The following ADAMTS12 variants were observed in gnomAD, a reference collection of about 807,000 sequenced individuals.
ADAMTS12 encodes the protein ADAM metallopeptidase with thrombospondin type 1 motif 12, also known as A disintegrin and metalloproteinase with thrombospondin motifs 12.
In ADAMTS12, 118 loss-of-function variants were observed where a neutral mutation model predicts 167.8. The ratio of observed to expected loss-of-function variants is 0.70; its 90% CI spans 0.61 to 0.82. The LOEUF is 0.82. Ranked by LOEUF, ADAMTS12 falls within the 40% of genes least tolerant of loss-of-function variation. ADAMTS12 has a pLI of 0.00. For missense variants in ADAMTS12, 1,916 were observed against 1,998.8 expected (o/e 0.96, Z 0.79); for synonymous variants, 704 against 716.9 (o/e 0.98, Z 0.29).
intron 2 of ADAMTS12, among the ~76,000 whole-genome samples, chr5:33,752,032 C>T (rs1745009744): frequency 6.6e-6 from 1 of 152,226 alleles, no homozygotes; most frequent in African/African-American, 2.4e-5. Context: ...TGGCACTCTT[C>T]ACTCAAGAAA....
At position 33,647,221 on chromosome 5, in the gene ADAMTS12, C is replaced by A. The variant is rs527274663; in HGVS notation, c.1479+1601G>T. On this transcript the variant is annotated intron_variant, in intron 9 of 23. Transcript: ENST00000504830. ...CGAATTATGAAGCCTCTTCTTAAGC[C>A]ATTTTAGGAAATTTGTACTTTATTG... 1.5e-4 allele frequency among the ~76,000 whole-genome samples: 23 copies of A among 152,194 alleles called. No individual in the cohort carries two copies. In the East Asian group the frequency reaches 1.7e-3, roughly 11 times the overall value.
intron 21 of ADAMTS12, among the ~76,000 whole-genome samples, chr5:33,547,097 A>G (rs1159484026): frequency 6.6e-6 from 1 of 152,154 alleles, no homozygotes; most frequent in African/African-American, 2.4e-5. Flanking sequence ...TTTCCCACTT[A>G]TTCAACCTGT....
chr5:33,742,690 C>T (rs1744637142), intron 3 of ADAMTS12, among the ~76,000 whole-genome samples: 1 of 152,174 alleles, frequency 6.6e-6, no homozygotes, highest in African/African-American at 2.4e-5. Context: ...GATGTGTCTA[C>T]TGGTGGAAAT....
At chr5:33,567,760 T>C (rs1746085606) in intron 19 of ADAMTS12, among the ~76,000 whole-genome samples, 1 of 152,242 alleles carries the variant, frequency 6.6e-6, no homozygotes, top group Non-Finnish European at 1.5e-5. Context: ...TCTTGTGAAC[T>C]ATGTCATTTT....
intron 2 of ADAMTS12, among the ~76,000 whole-genome samples, chr5:33,865,155 A>G (rs113141595): frequency 1.1e-4 from 17 of 152,176 alleles, no homozygotes; most frequent in African/African-American, 3.9e-4. Context: ...AAAACCAGGA[A>G]AGGACATAAT....
At position 33,573,988 on chromosome 5, in the gene ADAMTS12, A is replaced by G. The variant is rs1460763961; in HGVS notation, c.3972+2066T>C. Among the ~76,000 whole-genome samples, 6 of 152,022 alleles carry G rather than the reference A, an allele frequency of 3.9e-5. No individual in the cohort carries two copies. The South Asian group carries it at 1.0e-3, about 26-fold the overall frequency. On this transcript the variant is annotated intron_variant, in intron 19 of 23. Transcript: ENST00000504830. Reference sequence around the variant, plus strand: ...AGACATTTATGCAGCCAAAAGACACATGAAAAAATGCTCATCATCACTGGC... The same window carrying G: ...AGACATTTATGCAGCCAAAAGACACGTGAAAAAATGCTCATCATCACTGGC...
At chr5:33,854,221 G>A (rs1429300864) in intron 2 of ADAMTS12, among the ~76,000 whole-genome samples, 1 of 152,146 alleles carries the variant, frequency 6.6e-6, no homozygotes, top group Non-Finnish European at 1.5e-5. Flanking sequence ...AATCAATGGG[G>A]ACATTTTCAA....
chr5:33,824,120 C>G (rs1747970440), intron 2 of ADAMTS12, among the ~76,000 whole-genome samples: 1 of 152,210 alleles, frequency 6.6e-6, no homozygotes, highest in South Asian at 2.1e-4. Context: ...AAACCTCTTT[C>G]TTCTCAATAA....
intron 16 of ADAMTS12, among the ~76,000 whole-genome samples, chr5:33,597,617 T>C (rs1378921319): frequency 6.6e-6 from 1 of 152,192 alleles, no homozygotes; most frequent in East Asian, 1.9e-4. Context: ...CCAGATGGCA[T>C]CTTGTCACTT....
chr5:33,886,046 A>G (rs1028095978), intron 1 of ADAMTS12, among the ~76,000 whole-genome samples: 5 of 152,228 alleles, frequency 3.3e-5, no homozygotes, highest in African/African-American at 1.2e-4. Flanking sequence ...AGAAAATAAC[A>G]ATTTTTCTCA....
chr5:33,623,489 C>T (rs1034070809), intron 14 of ADAMTS12, among the ~76,000 whole-genome samples: 1 of 152,242 alleles, frequency 6.6e-6, no homozygotes, highest in Non-Finnish European at 1.5e-5. Flanking sequence ...TCCTTGGGAA[C>T]TGACTCTTCC....
intron 3 of ADAMTS12, among the ~76,000 whole-genome samples, chr5:33,696,049 CA>C (rs1742746132): frequency 6.6e-6 from 1 of 151,926 alleles, no homozygotes; most frequent in African/African-American, 2.4e-5. Flanking sequence ...CAGTCACTAA[CA>C]TGTGCTTATT....
intron 3 of ADAMTS12, among the ~76,000 whole-genome samples, chr5:33,690,199 G>C (rs1742500756): frequency 6.6e-6 from 1 of 152,236 alleles, no homozygotes; most frequent in Non-Finnish European, 1.5e-5. Context: ...CTCCAGGCCA[G>C]CTTGGGTATA....
In ADAMTS12 at chr5:33,649,044, C is replaced by G. The variant is rs1013689036; in HGVS notation, c.1335-78G>C. 1.9e-6 allele frequency: 3 copies of G among 1,547,504 alleles called. No homozygotes were observed. In the East Asian group the frequency reaches 6.8e-5, roughly 35 times the overall value. On this transcript the variant is annotated intron_variant, in intron 8 of 23. Coordinates refer to ENST00000504830, the MANE Select transcript of ADAMTS12 (RefSeq NM_030955.4). The stretch of plus-strand genomic sequence containing the variant: ...TCAGCCTTTCATTCAACAGAAACTT[C>G]CCTCTGGTTTACTCTTTGTCCTTTA...
intron 5 of ADAMTS12, 54 bp from the exon 6 acceptor site, chr5:33,662,094 C>G: frequency 6.3e-7 from 1 of 1,589,834 alleles, no homozygotes; most frequent in Non-Finnish European, 8.5e-7. Flanking sequence ...TGGTCAGGGA[C>G]CATTGCATTA....
intron 5 of ADAMTS12, among the ~76,000 whole-genome samples, chr5:33,672,030 C>T (rs1229758086): frequency 6.6e-6 from 1 of 150,612 alleles, no homozygotes; most frequent in African/African-American, 2.4e-5. Context: ...CACATACATA[C>T]ACACACCCAC....
chr5:33,890,922 C>CA (rs1302663630), intron 1 of ADAMTS12, among the ~76,000 whole-genome samples: 3 of 152,154 alleles, frequency 2.0e-5, no homozygotes, highest in African/African-American at 7.2e-5. Flanking sequence ...TGGGCTGACA[C>CA]AGAGTGCCAC....
chr5:33,783,546 T>C (rs1352066464), intron 2 of ADAMTS12, among the ~76,000 whole-genome samples: 1 of 151,744 alleles, frequency 6.6e-6, no homozygotes, highest in Non-Finnish European at 1.5e-5. Flanking sequence ...AGAGAAAACA[T>C]CACTATCTGC....
Position 33,641,886 on chromosome 5 carries a change from A to T in ADAMTS12, c.1642T>A (p.Trp548Arg), listed in dbSNP as rs765583887. 3.1e-6 allele frequency: 5 copies of T among 1,613,814 alleles called. No individual in the cohort carries two copies. In the East Asian group the frequency reaches 1.1e-4, roughly 36 times the overall value. ...PESIPGGWGR[W>R]SPWSHCSRTC... The stretch of plus-strand genomic sequence containing the variant: ...CTGGAACAGTGGGACCAGGGTGACC[A>T]GCGGCCCCAGCCTCCAGGAATGCTC... Residue 548 changes from tryptophan (W) to arginine (R), a missense_variant, in exon 11 of 24, where the codon TGG becomes AGG. Trp to Arg is a moderately radical substitution (Grantham distance 101). Coordinates refer to ENST00000504830, the MANE Select transcript of ADAMTS12 (RefSeq NM_030955.4).
Sources: gnomAD v4.1 joint callset for allele counts (sites outside exome capture counted in the v4.1 genomes callset) on GRCh38, gnomAD v4.1.1 for gene constraint, MANE v1.5 for transcripts, NCBI Gene and HGNC (gene_info 2026-07-23, HGNC 2026-07-21) for gene names.